Variants in LMO2 observed in about 807,000 individuals in gnomAD.
The protein encoded by LMO2 is rhombotin-2.
In LMO2, 20 loss-of-function variants were observed where a neutral mutation model predicts 23.2. The observed-to-expected ratio is 0.86, with a 90% CI of 0.61 to 1.25. LMO2 has a LOEUF of 1.25. Ranked by LOEUF, LMO2 falls within the 50% of genes most tolerant of loss-of-function variation. The probability of loss-of-function intolerance (pLI) is 0.00; values close to 1 mark genes in which losing one functional copy is unlikely to be tolerated. For synonymous variants in LMO2, 123 were observed against 130.2 expected (o/e 0.94, Z 0.38); for missense variants, 270 against 315.3 (o/e 0.86, Z 1.09).
At chr11:33,865,459 C>G (rs957333564) in intron 4 of LMO2, among the ~76,000 whole-genome samples, 3 of 152,208 alleles carry the variant, frequency 2.0e-5, no homozygotes, top group Non-Finnish European at 4.4e-5. Flanking sequence ...CCTAATTTTA[C>G]TTTTTTACAG....
chr11:33,876,681 T>C (rs1186343743), intron 2 of LMO2, among the ~76,000 whole-genome samples: 1 of 152,216 alleles, frequency 6.6e-6, no homozygotes, highest in Middle Eastern at 3.2e-3. Flanking sequence ...GAAGCCTGAC[T>C]CTCCACTGCA....
chr11:33,861,776 C>T (rs78404369), intron 5 of LMO2, among the ~76,000 whole-genome samples: 2,645 of 152,258 alleles, frequency 0.017, 74 homozygotes, highest in African/African-American at 0.061. Flanking sequence ...TTACAACCCA[C>T]ATCAGGCAGC....
chr11:33,869,859 G>T lies in LMO2; in HGVS notation c.-143C>A. The T allele has an allele frequency of 1.9e-6, 2 of 1,055,676 alleles. No homozygotes were observed. Among genetic ancestry groups the T allele is most frequent in the Non-Finnish European group, 1.1e-6 (1 of 875,974 alleles). 65.4% of individuals were successfully genotyped at this position (1,055,676 alleles called of 1,614,324 possible). On this transcript the variant is annotated 5_prime_UTR_variant, in exon 3 of 6. Coordinates refer to ENST00000257818, the MANE Select transcript of LMO2 (RefSeq NM_005574.4). ...GGGTCGCGGCGCGCTGCTCGCCGCC[G>T]AGGGCAGAGAGGGGGCGGCGGCCTA...
chr11:33,865,650 T>C, intron 4 of LMO2, among the ~76,000 whole-genome samples: 1 of 152,202 alleles, frequency 6.6e-6, no homozygotes. Context: ...GGGGCAATGA[T>C]TATTTCAAAG....
intron 2 of LMO2, 165 bp from the exon 3 acceptor site, chr11:33,870,152 A>G: frequency 3.7e-6 from 1 of 268,010 alleles, no homozygotes; most frequent in Non-Finnish European, 5.8e-6. Context: ...GGCTTCTTAA[A>G]GGGGCCAGTG....
chr11:33,888,188 C>T (rs1393270361), intron 1 of LMO2, among the ~76,000 whole-genome samples: 6 of 152,210 alleles, frequency 3.9e-5, no homozygotes, highest in Admixed American at 2.6e-4. Flanking sequence ...TGCATACTCA[C>T]GCAAGCGCAT....
rs1175339656 is a variant in LMO2, at chr11:33,880,164, T to TGGTATATACAC, written c.-272+1659_-272+1660insGTGTATATACC. ...TATTTTATGTGTACATATATATACA[T>TGGTATATACAC]ATGATATATACACATGATATATATA... On this transcript the variant is annotated intron_variant, in intron 2 of 5. Coordinates refer to ENST00000257818, the MANE Select transcript of LMO2 (RefSeq NM_005574.4). The surrounding 1 kb of genome is among the most constrained non-coding windows in gnomAD (Gnocchi z 4.3). Among the ~76,000 whole-genome samples, 65 of 36,444 alleles carry TGGTATATACAC rather than the reference T, an allele frequency of 1.8e-3. 1 individual carries two copies. Among genetic ancestry groups the TGGTATATACAC allele is most frequent in the African/African-American group, 5.4e-3 (63 of 11,704 alleles). 23.9% of individuals were successfully genotyped at this position (36,444 alleles called of 152,430 possible). A position where few individuals can be genotyped will look rare whatever the true frequency, so the allele number is the denominator to read the frequency against.
At chr11:33,868,265 T>C (rs1856859007) in intron 4 of LMO2, among the ~76,000 whole-genome samples, 1 of 152,202 alleles carries the variant, frequency 6.6e-6, no homozygotes, top group Non-Finnish European at 1.5e-5. Context: ...TATGTGTGTG[T>C]GTGCGGTATT....
At chr11:33,866,789 G>A (rs1420486947) in intron 4 of LMO2, among the ~76,000 whole-genome samples, 2 of 152,190 alleles carry the variant, frequency 1.3e-5, no homozygotes, top group Non-Finnish European at 2.9e-5. Context: ...GGGATTACAG[G>A]TGTCCACCAC....
rs2133698759 is a variant in LMO2, at chr11:33,869,571, A to G, written c.23T>C (p.Val8Ala). ...CGAGCTCGCCCCTCCGCGCTCAAGG[A>G]CAGTCACCGCGCTCCCTTCAAACGC... The part of the protein sequence containing the change: MEGSAVT[V>A]LERGGASSPA... Residue 8 changes from valine (V) to alanine (A), a missense_variant, in exon 4 of 6, where the codon GTC becomes GCC. Val to Ala is a moderately conservative substitution (Grantham distance 64). Coordinates refer to ENST00000257818, the MANE Select transcript of LMO2 (RefSeq NM_005574.4). The G allele has an allele frequency of 1.5e-6, 2 of 1,299,026 alleles. No individual in the cohort carries two copies. Among genetic ancestry groups the G allele is most frequent in the Non-Finnish European group, 2.0e-6 (2 of 1,010,880 alleles). 80.5% of individuals were successfully genotyped at this position (1,299,026 alleles called of 1,614,324 possible).
chr11:33,889,326 G>A (rs1857488761), intron 1 of LMO2, among the ~76,000 whole-genome samples: 1 of 152,200 alleles, frequency 6.6e-6, no homozygotes, highest in Non-Finnish European at 1.5e-5. Context: ...TCCTAGGGCT[G>A]CAGCTAACCT....
chr11:33,867,454 T>A (rs1052158744), intron 4 of LMO2, among the ~76,000 whole-genome samples: 1 of 152,242 alleles, frequency 6.6e-6, no homozygotes, highest in African/African-American at 2.4e-5. Flanking sequence ...TTATACTTAG[T>A]GGACAATCCA....
At chr11:33,863,839 G>A (rs545604816) in intron 5 of LMO2, among the ~76,000 whole-genome samples, 1 of 152,268 alleles carries the variant, frequency 6.6e-6, no homozygotes, top group East Asian at 1.9e-4. Flanking sequence ...GGAAAATAAT[G>A]ATTATGTAAG....
chr11:33,869,670 TC>T, intron 3 of LMO2, 39 bp downstream of exon 3: 2 of 1,259,416 alleles, frequency 1.6e-6, no homozygotes, highest in South Asian at 4.7e-5. Context: ...GCAGCCTGGC[TC>T]CAGGCGGCTG....
At chr11:33,888,749 C>T (rs375825488) in intron 1 of LMO2, among the ~76,000 whole-genome samples, 1 of 152,230 alleles carries the variant, frequency 6.6e-6, no homozygotes, top group Non-Finnish European at 1.5e-5. Flanking sequence ...CTGTCTCCCC[C>T]TCTCAAGTTT....
intron 5 of LMO2, among the ~76,000 whole-genome samples, chr11:33,862,436 T>C (rs1856617149): frequency 6.6e-6 from 1 of 152,162 alleles, no homozygotes; most frequent in African/African-American, 2.4e-5. Context: ...TCCAAGGAGA[T>C]CTGGCTCAGC....
chr11:33,891,346 AACACACACACACACAC>A (rs57617009), intron 1 of LMO2, among the ~76,000 whole-genome samples: 3 of 124,944 alleles, frequency 2.4e-5, no homozygotes, highest in African/African-American at 6.3e-5. Context: ...TTGTTAGGCA[AACACACACACACACAC>A]ACACACACAC....
At chr11:33,866,198 C>T (rs1336134837) in intron 4 of LMO2, among the ~76,000 whole-genome samples, 1 of 152,150 alleles carries the variant, frequency 6.6e-6, no homozygotes, top group Non-Finnish European at 1.5e-5. Flanking sequence ...CAGGTGATCC[C>T]GTCATGTGAA....
At chr11:33,884,804 T>C (rs568266077) in intron 1 of LMO2, among the ~76,000 whole-genome samples, 16 of 152,246 alleles carry the variant, frequency 1.1e-4, no homozygotes, top group Non-Finnish European at 2.4e-4. Context: ...TGAGAGCATA[T>C]ACTCCTTCTG....
Sources: allele counts gnomAD v4.1 joint callset (sites outside exome capture counted in the v4.1 genomes callset), GRCh38; gene constraint gnomAD v4.1.1; non-coding constraint Gnocchi (gnomAD v3.1); transcripts MANE v1.5; gene names NCBI Gene and HGNC (gene_info 2026-07-23, HGNC 2026-07-21).